The following ACOT1 variants were observed in gnomAD, a reference collection of about 807,000 sequenced individuals.
ACOT1 encodes acyl-coenzyme A thioesterase 1.
A neutral mutation model predicts 15.7 loss-of-function variants in ACOT1; 8 were observed. That is an observed-to-expected ratio of 0.51 (90% CI 0.30 to 0.92). ACOT1 has a LOEUF of 0.92. Ranked by LOEUF, ACOT1 falls within the 40% of genes least tolerant of loss-of-function variation. The probability of loss-of-function intolerance (pLI) is 0.06; values close to 1 mark genes in which losing one functional copy is unlikely to be tolerated. For missense variants in ACOT1, 151 were observed against 539.4 expected (o/e 0.28, Z 7.13); for synonymous variants, 67 against 241.2 (o/e 0.28, Z 6.69).
At chr14:73,493,402 C>T in the ACOT1 span, 2 of 371,778 alleles carry the variant, frequency 5.4e-6, no homozygotes, top group Non-Finnish European at 1.0e-5. Context: ...GTTTCCCTTT[C>T]CTAAGGCTAG....
the ACOT1 span, among the ~76,000 whole-genome samples, chr14:73,511,512 C>CT: frequency 6.8e-6 from 1 of 147,546 alleles, no homozygotes; most frequent in Admixed American, 6.8e-5. Context: ...GAGCAAGACT[C>CT]TGTCTCAAAA....
chr14:73,504,367 C>T, the ACOT1 span, among the ~76,000 whole-genome samples: 2 of 151,972 alleles, frequency 1.3e-5, no homozygotes, highest in African/African-American at 4.8e-5. Flanking sequence ...CTCAGCCTCC[C>T]GAGGAGCTGG....
the ACOT1 span, chr14:73,509,230 G>A: frequency 7.5e-7 from 1 of 1,333,684 alleles, no homozygotes; most frequent in Non-Finnish European, 1.1e-6. Flanking sequence ...GAGCATCACA[G>A]TGGAGAGGAA....
At chr14:73,497,878 AG>A in the ACOT1 span, among the ~76,000 whole-genome samples, 1 of 152,200 alleles carries the variant, frequency 6.6e-6, no homozygotes. Context: ...CTCCTGCCTC[AG>A]CCTCCCAAAG....
the ACOT1 span, among the ~76,000 whole-genome samples, chr14:73,506,802 C>CTTTTTTTTTTTT: frequency 4.3e-4 from 25 of 58,016 alleles, no homozygotes; most frequent in African/African-American, 2.5e-3. Flanking sequence ...CTGACTTTAA[C>CTTTTTTTTTTTT]TGTTTTTTTT....
chr14:73,522,853 A>G, the ACOT1 span: 3 of 1,614,032 alleles, frequency 1.9e-6, no homozygotes, highest in Non-Finnish European at 8.5e-7. Context: ...GGATGATGTC[A>G]TTGGTATTGT....
At chr14:73,509,615 G>T in the ACOT1 span, 1 of 781,720 alleles carries the variant, frequency 1.3e-6, no homozygotes, top group Non-Finnish European at 2.0e-6. Context: ...CAGTTTAGCT[G>T]AGCCCTTCAG....
chr14:73,495,412 A>AAAAAC, the ACOT1 span: 297 of 1,597,988 alleles, frequency 1.9e-4, no homozygotes, highest in Non-Finnish European at 2.4e-4. Context: ...ATAATGTTTG[A>AAAAAC]AAAACAAAAC....
At chr14:73,540,830 C>T (rs1363782592) in intron 1 of ACOT1, among the ~76,000 whole-genome samples, 1 of 108,784 alleles carries the variant, frequency 9.2e-6, no homozygotes, top group Non-Finnish European at 1.9e-5. Flanking sequence ...CAACCTCCAA[C>T]TCCCGGGTTC....
At chr14:73,510,650 G>T in the ACOT1 span, among the ~76,000 whole-genome samples, 3 of 152,070 alleles carry the variant, frequency 2.0e-5, no homozygotes, top group African/African-American at 7.3e-5. Context: ...TGGCCAGGCT[G>T]GTCTTGAACC....
chr14:73,502,153 C>G, the ACOT1 span, among the ~76,000 whole-genome samples: 1 of 151,290 alleles, frequency 6.6e-6, no homozygotes, highest in Non-Finnish European at 1.5e-5. Context: ...TTCAGAGTCT[C>G]AAAGTATTGG....
At chr14:73,493,063 T>TA in the ACOT1 span, 1 of 1,612,752 alleles carries the variant, frequency 6.2e-7, no homozygotes, top group East Asian at 2.2e-5. Flanking sequence ...TGCTCACATT[T>TA]ACCTTTATCA....
the ACOT1 span, among the ~76,000 whole-genome samples, chr14:73,505,890 C>CTTTTT: frequency 3.5e-5 from 4 of 113,320 alleles, no homozygotes; most frequent in Non-Finnish European, 5.3e-5. Context: ...ATAAACGTTT[C>CTTTTT]TTTTTTTTTT....
chr14:73,514,175 T>C, the ACOT1 span: 1 of 1,614,216 alleles, frequency 6.2e-7, no homozygotes, highest in South Asian at 1.1e-5. Flanking sequence ...TGCAGCAGCA[T>C]ATCCTTGGCG....
At chr14:73,529,682 C>G in the ACOT1 span, among the ~76,000 whole-genome samples, 1 of 152,184 alleles carries the variant, frequency 6.6e-6, no homozygotes, top group Non-Finnish European at 1.5e-5. Context: ...TTACCCTCAC[C>G]CTCTGGTCTG....
the ACOT1 span, among the ~76,000 whole-genome samples, chr14:73,502,290 C>G: frequency 2.6e-5 from 4 of 151,894 alleles, no homozygotes; most frequent in African/African-American, 9.7e-5. Flanking sequence ...ATGGTATATG[C>G]CATTTGTTCT....
the ACOT1 span, among the ~76,000 whole-genome samples, chr14:73,511,381 G>A: frequency 6.6e-6 from 1 of 151,908 alleles, no homozygotes; most frequent in South Asian, 2.1e-4. Flanking sequence ...TGGGCATGGT[G>A]GCACACGCCT....
the ACOT1 span, among the ~76,000 whole-genome samples, chr14:73,529,706 G>A: frequency 6.6e-6 from 1 of 152,172 alleles, no homozygotes; most frequent in Non-Finnish European, 1.5e-5. Context: ...CCTTTATCCT[G>A]TACAAGTGGT....
the ACOT1 span, among the ~76,000 whole-genome samples, chr14:73,506,804 G>GTTTTTTTTTTTTT: frequency 1.3e-3 from 102 of 80,486 alleles, 24 homozygotes; most frequent in African/African-American, 4.7e-3. Flanking sequence ...GACTTTAACT[G>GTTTTTTTTTTTTT]TTTTTTTTTT....
Sources: allele counts gnomAD v4.1 joint callset (sites outside exome capture counted in the v4.1 genomes callset), GRCh38; gene constraint gnomAD v4.1.1; transcripts MANE v1.5; gene names NCBI Gene and HGNC (gene_info 2026-07-23, HGNC 2026-07-21).